Variants in FOXN1 observed in about 807,000 individuals in gnomAD.
FOXN1 encodes the protein forkhead box N1.
FOXN1 carries 15 observed loss-of-function variants against 49.0 expected under a neutral mutation model. The ratio of observed to expected loss-of-function variants is 0.31; its 90% CI spans 0.20 to 0.47. FOXN1 has a LOEUF of 0.47. Among genes scored for constraint, FOXN1 ranks in the 20% least tolerant of loss-of-function variants. The pLI, the probability that FOXN1 is intolerant of heterozygous loss-of-function variation, is 1.00. For synonymous variants in FOXN1, 356 were observed against 369.0 expected, an observed-to-expected ratio of 0.96 and a Z score of 0.40; for missense variants, 800 against 842.8, an observed-to-expected ratio of 0.95 and a Z score of 0.63.
At chr17:28,520,834 T>G (rs2069627090) in intron 1 of FOXN1, among the ~76,000 whole-genome samples, 1 of 151,972 alleles carries the variant, frequency 6.6e-6, no homozygotes, top group African/African-American at 2.4e-5. Flanking sequence ...CAGGTTCACA[T>G]CTGCAGGGGA....
At chr17:28,510,576 A>G (rs1039101517) in intron 1 of FOXN1, among the ~76,000 whole-genome samples, 1 of 114,018 alleles carries the variant, frequency 8.8e-6, no homozygotes, top group African/African-American at 3.8e-5. Context: ...ACACGCACAC[A>G]CACGCACACA....
At chr17:28,527,446 G>A in intron 4 of FOXN1, 85 bp downstream of exon 4, 1 of 799,302 alleles carries the variant, frequency 1.3e-6, no homozygotes, top group Non-Finnish European at 2.2e-6. Flanking sequence ...CTATGTGATG[G>A]CATGTGTTCA....
intron 1 of FOXN1, 110 bp from the exon 2 acceptor site, chr17:28,523,846 C>G: frequency 1.1e-6 from 1 of 877,904 alleles, no homozygotes; most frequent in Admixed American, 1.8e-5. Flanking sequence ...AGATGGCTGA[C>G]TGGAGGCAGG....
chr17:28,530,851 C>A lies in FOXN1; in HGVS notation c.927+6C>A, dbSNP rs758276674. ...AGCACTTTCCTTACTTCAAGGTGAG[C>A]CCAAGATTCCTCCCCATCCCATCAC... is the stretch of plus-strand genomic sequence containing the variant. On this transcript the variant is annotated splice_donor_region_variant and intron_variant, in intron 6 of 8. Coordinates refer to ENST00000579795, the MANE Select transcript of FOXN1 (RefSeq NM_001369369.1). 2 of 1,507,496 alleles carry A rather than the reference C, an allele frequency of 1.3e-6. No individual in the cohort carries two copies. Among genetic ancestry groups the A allele is most frequent in the East Asian group, 2.3e-5 (1 of 44,372 alleles). 93.4% of individuals were successfully genotyped at this position (1,507,496 alleles called of 1,614,324 possible).
Position 28,524,707 on chromosome 17 carries a change from A to C in FOXN1, c.328A>C (p.Ser110Arg). Residue 110 changes from serine to arginine, a missense_variant, in exon 3 of 9, where the codon AGC (serine) becomes CGC (arginine). Ser to Arg is a moderately radical substitution (Grantham distance 110). Coordinates refer to ENST00000579795, the MANE Select transcript of FOXN1 (RefSeq NM_001369369.1). ...PGFGFEEAAA[S>R]SPGRFLKGSH... ...CTTTGGCTTTGAGGAGGCCGCAGCA[A>C]GCAGCCCTGGGCGATTCCTCAAGGG... The C allele has an allele frequency of 6.2e-7, 1 of 1,612,824 alleles. No homozygotes were observed. Among genetic ancestry groups the C allele is most frequent in the South Asian group, 1.1e-5 (1 of 91,008 alleles).
At chr17:28,515,467 C>T (rs946020659) in intron 1 of FOXN1, among the ~76,000 whole-genome samples, 3 of 151,844 alleles carry the variant, frequency 2.0e-5, no homozygotes, top group African/African-American at 7.3e-5. Context: ...GGTGAACACA[C>T]TTCCACAGGG....
At chr17:28,535,575 C>G (rs545048459) in intron 8 of FOXN1, among the ~76,000 whole-genome samples, 1 of 152,298 alleles carries the variant, frequency 6.6e-6, no homozygotes, top group South Asian at 2.1e-4. Context: ...CATGGAGAAA[C>G]ACTGTCTCTA....
chr17:28,530,530 G>T (rs1405729740), intron 5 of FOXN1, among the ~76,000 whole-genome samples: 1 of 152,244 alleles, frequency 6.6e-6, no homozygotes, highest in African/African-American at 2.4e-5. Flanking sequence ...CACAGCCAGA[G>T]AGTAACTAGG....
chr17:28,524,701 G>T lies in FOXN1; in HGVS notation c.322G>T (p.Ala108Ser). The change falls in exon 3 of 9, where the codon GCA becomes TCA. Residue 108 changes from alanine to serine, a missense_variant. By Grantham distance (99) the Ala-to-Ser change is moderately conservative. Around this residue, in one of 3 missense-constraint regions of FOXN1, gnomAD observed 383 missense variants for 357.9 expected, o/e 1.07. Coordinates refer to ENST00000579795, the MANE Select transcript of FOXN1 (RefSeq NM_001369369.1). ...KYPGFGFEEA[A>S]ASSPGRFLKG... ...TCCTGGCTTTGGCTTTGAGGAGGCC[G>T]CAGCAAGCAGCCCTGGGCGATTCCT... 6.2e-7 allele frequency: 1 copy of T among 1,612,620 alleles called. No homozygotes were observed. The highest frequency in any genetic ancestry group is 8.5e-7 in the Non-Finnish European group (1 of 1,179,496).
At position 28,534,211 on chromosome 17, in the gene FOXN1, C is replaced by T. The variant is rs2069990771; in HGVS notation, c.928-120C>T. On this transcript the variant is annotated intron_variant, in intron 6 of 8. Coordinates refer to ENST00000579795, the MANE Select transcript of FOXN1 (RefSeq NM_001369369.1). This position sits in a 1 kb window ranked among gnomAD's most constrained non-coding sequence, Gnocchi z 4.1. The stretch of plus-strand genomic sequence containing the variant: ...TGGGTGCTGAGGAGGACAACAAGCC[C>T]CAGAGTGGGCGGCAGCTCTGTGCCC... 1 of 1,468,944 alleles carries T rather than the reference C, an allele frequency of 6.8e-7. No individual in the cohort carries two copies. Among genetic ancestry groups the T allele is most frequent in the South Asian group, 1.2e-5 (1 of 86,082 alleles). The allele number at this position is 1,468,944 out of a possible 1,614,324, so 91.0% of individuals were successfully genotyped here.
In FOXN1 at chr17:28,534,913, C is replaced by T; in HGVS notation, c.1342C>T (p.Pro448Ser). The T allele has an allele frequency of 6.2e-7, 1 of 1,614,132 alleles. No homozygotes were observed. The change falls in exon 8 of 9, where the codon CCC (proline) becomes TCC (serine). Residue 448 changes from proline to serine, a missense_variant. Coordinates refer to ENST00000579795, the MANE Select transcript of FOXN1 (RefSeq NM_001369369.1). The surrounding 1 kb of genome is among the most constrained non-coding windows in gnomAD (Gnocchi z 4.1). Reference sequence around the variant, plus strand: ...GCAGGACCTACTTATGGGGCACACACCCTCCTGCTATGGGCAGACATACTT... The same window carrying T: ...GCAGGACCTACTTATGGGGCACACATCCTCCTGCTATGGGCAGACATACTT... Reference protein sequence around the residue: ...PLQDLLMGHTPSCYGQTYLHL... With the variant: ...PLQDLLMGHTSSCYGQTYLHL...
intron 4 of FOXN1, among the ~76,000 whole-genome samples, chr17:28,528,216 G>A (rs940037974): frequency 6.6e-6 from 1 of 152,198 alleles, no homozygotes; most frequent in African/African-American, 2.4e-5. Context: ...AGAGATAGAG[G>A]GAAGCAAAGA....
intron 8 of FOXN1, among the ~76,000 whole-genome samples, chr17:28,536,230 C>T (rs2070061569): frequency 6.6e-6 from 1 of 152,224 alleles, no homozygotes; most frequent in Non-Finnish European, 1.5e-5. Context: ...GAAAAGTGCA[C>T]ATAGATCCTC....
chr17:28,512,579 G>A (rs897764105), intron 1 of FOXN1, among the ~76,000 whole-genome samples: 2 of 152,198 alleles, frequency 1.3e-5, no homozygotes, highest in African/African-American at 4.8e-5. Context: ...GACCAGCCTG[G>A]GCAACAAAGC....
intron 1 of FOXN1, among the ~76,000 whole-genome samples, chr17:28,511,357 GC>G (rs1567870200): frequency 6.6e-6 from 1 of 152,192 alleles, no homozygotes; most frequent in Non-Finnish European, 1.5e-5. Flanking sequence ...AATGTGAGAG[GC>G]CCCTGGCCCA....
At chr17:28,519,414 A>G (rs1294425502) in intron 1 of FOXN1, among the ~76,000 whole-genome samples, 1 of 151,956 alleles carries the variant, frequency 6.6e-6, no homozygotes, top group Admixed American at 6.6e-5. Flanking sequence ...ACAGTCTGCC[A>G]GTGAGAGCCT....
At chr17:28,522,480 C>T (rs1235089414) in intron 1 of FOXN1, among the ~76,000 whole-genome samples, 1 of 152,122 alleles carries the variant, frequency 6.6e-6, no homozygotes, top group Non-Finnish European at 1.5e-5. Flanking sequence ...AATCCCTTCT[C>T]TACTAAAAAT....
intron 1 of FOXN1, among the ~76,000 whole-genome samples, chr17:28,511,441 G>A (rs1473132534): frequency 6.6e-6 from 1 of 152,138 alleles, no homozygotes; most frequent in Non-Finnish European, 1.5e-5. Flanking sequence ...CGCACCAGCA[G>A]GACGAGGGCC....
chr17:28,513,158 T>G (rs889061250), intron 1 of FOXN1, among the ~76,000 whole-genome samples: 1 of 152,056 alleles, frequency 6.6e-6, no homozygotes, highest in African/African-American at 2.4e-5. Flanking sequence ...AATCCCAGCT[T>G]CTTGGGAGGC....
Sources: allele counts gnomAD v4.1 joint callset (sites outside exome capture counted in the v4.1 genomes callset), GRCh38; gene constraint gnomAD v4.1.1; regional missense constraint gnomAD v4.1.1; non-coding constraint Gnocchi (gnomAD v3.1); transcripts MANE v1.5; gene names NCBI Gene and HGNC (gene_info 2026-07-23, HGNC 2026-07-21).